USH2A: variants seen among roughly 807,000 people sequenced by gnomAD.
USH2A encodes the protein usherin, also known as Usher syndrome 2A (autosomal recessive, mild).
Under a neutral mutation model 538.9 loss-of-function variants are expected in USH2A, and 443 were observed. The ratio of observed to expected loss-of-function variants is 0.82; its 90% CI spans 0.76 to 0.89. The LOEUF (loss-of-function observed/expected upper bound fraction) is 0.89. USH2A is among the 40% of genes least tolerant of loss of function. The pLI is 0.00. For missense variants in USH2A, 6,633 were observed against 6,324.8 expected (o/e 1.05, Z -1.65); for synonymous variants, 2,413 against 2,273.5 (o/e 1.06, Z -1.75).
chr1:215,694,908 C>G (rs1331370994), intron 61 of USH2A, among the ~76,000 whole-genome samples: 2 of 152,180 alleles, frequency 1.3e-5, no homozygotes, highest in African/African-American at 4.8e-5. Context: ...ATAGCAAAAT[C>G]ATACTTAATG....
intron 51 of USH2A, among the ~76,000 whole-genome samples, chr1:215,788,828 T>G (rs1661883549): frequency 6.6e-6 from 1 of 152,178 alleles, no homozygotes; most frequent in African/African-American, 2.4e-5. Context: ...AATAATAGTA[T>G]TTTTATACAT....
intron 14 of USH2A, among the ~76,000 whole-genome samples, chr1:216,224,943 T>C (rs2035531690): frequency 1.3e-5 from 2 of 152,190 alleles, no homozygotes; most frequent in South Asian, 4.1e-4. Flanking sequence ...ATGTAATTTT[T>C]ATAAATGTAA....
rs114631426 is a variant in USH2A, at chr1:216,360,624, G to A, written c.784+4329C>T. On this transcript the variant is annotated intron_variant, in intron 4 of 71. Coordinates refer to ENST00000307340, the MANE Select transcript of USH2A (RefSeq NM_206933.4). ...AGGGATATTGACAATGGGGAAGGCT[G>A]TGCGTGTGTAGGAGCAGAGAGTATA... Among the ~76,000 whole-genome samples the A allele has an allele frequency of 5.5e-3, 844 of 152,124 alleles. 7 individuals carry two copies. The highest frequency in any genetic ancestry group is 0.014 in the Middle Eastern group (4 of 294).
intron 32 of USH2A, among the ~76,000 whole-genome samples, chr1:216,028,175 G>T (rs972562759): frequency 2.6e-5 from 4 of 152,054 alleles, no homozygotes; most frequent in African/African-American, 9.7e-5. Flanking sequence ...AATACTTGAG[G>T]TCAGGAGTTC....
intron 41 of USH2A, among the ~76,000 whole-genome samples, chr1:215,880,444 C>A (rs1046504466): frequency 3.9e-5 from 6 of 152,088 alleles, no homozygotes; most frequent in Non-Finnish European, 8.8e-5. Flanking sequence ...CATTGTGAAT[C>A]TTAAAAAAAC....
chr1:215,671,237 G>T lies in USH2A; in HGVS notation c.13868C>A (p.Thr4623Lys). ...TTLGCASSDWTFIQTPEIAPL... is the reference protein window; with the variant it reads ...TTLGCASSDWKFIQTPEIAPL... Reference sequence around the variant, plus strand: ...TGCAATCTCAGGGGTCTGTATGAATGTCCAGTCACTTGATGCACATCCCAG... The same window carrying T: ...TGCAATCTCAGGGGTCTGTATGAATTTCCAGTCACTTGATGCACATCCCAG... Residue 4623 changes from threonine (T) to lysine (K), a missense_variant, in exon 64 of 72, where the codon ACA (threonine) becomes AAA (lysine). Thr to Lys is a moderately conservative substitution (Grantham distance 78). Coordinates refer to ENST00000307340, the MANE Select transcript of USH2A (RefSeq NM_206933.4). The T allele has an allele frequency of 6.2e-7, 1 of 1,614,138 alleles. No homozygotes were observed.
At chr1:216,048,199 G>A (rs2030602906) in intron 31 of USH2A, among the ~76,000 whole-genome samples, 1 of 152,114 alleles carries the variant, frequency 6.6e-6, no homozygotes, top group Non-Finnish European at 1.5e-5. Context: ...ACTGTCTCTA[G>A]ATTTACTTCT....
At chr1:215,643,054 G>T (rs976311615) in intron 67 of USH2A, among the ~76,000 whole-genome samples, 1 of 152,132 alleles carries the variant, frequency 6.6e-6, no homozygotes, top group African/African-American at 2.4e-5. Flanking sequence ...AGAGTGCAGT[G>T]GCGCTATCTC....
chr1:216,373,173 G>T (rs1464522655), intron 3 of USH2A, among the ~76,000 whole-genome samples: 1 of 152,108 alleles, frequency 6.6e-6, no homozygotes, highest in Non-Finnish European at 1.5e-5. Flanking sequence ...CTACACATAA[G>T]GGGTATATAA....
chr1:216,004,473 C>T (rs1191933734), intron 32 of USH2A, among the ~76,000 whole-genome samples: 2 of 152,086 alleles, frequency 1.3e-5, no homozygotes, highest in South Asian at 2.1e-4. Context: ...AATTAAAAAT[C>T]GGCCATCGGG....
chr1:216,422,242 T>A lies in USH2A; in HGVS notation c.95A>T (p.Glu32Val). 6.2e-7 allele frequency: 1 copy of A among 1,613,158 alleles called. No homozygotes were observed. The highest frequency in any genetic ancestry group is 1.7e-5 in the Admixed American group (1 of 59,840). ...CAGCCTTGGGAAAAGACCTCGTGAC[T>A]CAGTCAAGGATATTGAAGCAAAATA... ...FAYFASISLT[E>V]SRGLFPRLEN... Residue 32 changes from glutamate (E) to valine (V), a missense_variant, in exon 2 of 72, where the codon GAG becomes GTG. Glu to Val is a moderately radical substitution (Grantham distance 121). Transcript: ENST00000307340.
intron 37 of USH2A, among the ~76,000 whole-genome samples, chr1:215,938,060 A>C (rs1439321251): frequency 6.6e-6 from 1 of 152,140 alleles, no homozygotes; most frequent in Non-Finnish European, 1.5e-5. Context: ...TTGTAACATT[A>C]AGTTCTAGTT....
At chr1:216,156,248 C>G (rs1410399321) in intron 21 of USH2A, among the ~76,000 whole-genome samples, 2 of 149,772 alleles carry the variant, frequency 1.3e-5, no homozygotes, top group Non-Finnish European at 3.0e-5. Context: ...TACCTGGACT[C>G]CTTTACTTTC....
chr1:215,625,897 C>T, intron 71 of USH2A, 27 bp from the exon 72 acceptor site: 1 of 1,588,322 alleles, frequency 6.3e-7, no homozygotes, highest in African/African-American at 1.3e-5. Flanking sequence ...TCATCATTGG[C>T]TACATACTTG....
intron 4 of USH2A, among the ~76,000 whole-genome samples, chr1:216,333,351 T>C (rs1463930099): frequency 1.3e-5 from 2 of 151,898 alleles, no homozygotes; most frequent in African/African-American, 4.8e-5. Context: ...CACTAGCAGA[T>C]CTAAATGATC....
intron 9 of USH2A, among the ~76,000 whole-genome samples, chr1:216,295,038 A>C (rs961309199): frequency 1.3e-5 from 2 of 151,772 alleles, no homozygotes; most frequent in Admixed American, 6.6e-5. Flanking sequence ...ATAATAGTTA[A>C]TTTATATGGT....
intron 3 of USH2A, among the ~76,000 whole-genome samples, chr1:216,381,216 T>A (rs1442006643): frequency 6.6e-6 from 1 of 151,940 alleles, no homozygotes; most frequent in Non-Finnish European, 1.5e-5. Context: ...AGCAACTGAA[T>A]AAGGCAAACA....
chr1:216,239,896 T>A (rs906841168), intron 13 of USH2A, among the ~76,000 whole-genome samples: 1 of 151,710 alleles, frequency 6.6e-6, no homozygotes, highest in African/African-American at 2.4e-5. Flanking sequence ...CTCAAGGATG[T>A]CTGCAAAGAT....
intron 34 of USH2A, among the ~76,000 whole-genome samples, chr1:215,993,509 A>AACACACACACAC (rs66804361): frequency 0.03 from 4,423 of 146,388 alleles, 76 homozygotes; most frequent in Middle Eastern, 0.049. Flanking sequence ...GAGTGAATTA[A>AACACACACACAC]ACACACACAC....
Sources: gnomAD v4.1 joint callset for allele counts (sites outside exome capture counted in the v4.1 genomes callset) on GRCh38, gnomAD v4.1.1 for gene constraint, MANE v1.5 for transcripts, NCBI Gene and HGNC (gene_info 2026-07-23, HGNC 2026-07-21) for gene names.